The following MINDY4B variants were observed in gnomAD, a reference collection of about 807,000 sequenced individuals.
The protein encoded by MINDY4B is MINDY family member 4B.
MINDY4B carries 25 observed loss-of-function variants against 16.7 expected under a neutral mutation model. The observed-to-expected ratio is 1.49, with a 90% CI of 1.09 to 2.09. MINDY4B has a LOEUF of 2.09. Among genes scored for constraint, MINDY4B ranks in the 30% most tolerant of loss-of-function variants. The pLI, the probability that MINDY4B is intolerant of heterozygous loss-of-function variation, is 0.00. For missense variants in MINDY4B, 327 were observed against 168.4 expected (o/e 1.94, Z -5.21); for synonymous variants, 132 against 61.9 (o/e 2.13, Z -5.32).
chr3:150,884,324 T>C (rs1053875872), intron 8 of MINDY4B, among the ~76,000 whole-genome samples: 6 of 152,182 alleles, frequency 3.9e-5, no homozygotes, highest in African/African-American at 1.2e-4. Context: ...CGCATACTAG[T>C]ATGTGAACTG....
chr3:150,875,451 A>G (rs1357503998), intron 10 of MINDY4B, among the ~76,000 whole-genome samples: 1 of 152,162 alleles, frequency 6.6e-6, no homozygotes, highest in Non-Finnish European at 1.5e-5. Flanking sequence ...TTCCCTGTAA[A>G]TTAGTCTGGG....
At chr3:150,893,747 G>A (rs1307285050) in intron 4 of MINDY4B, among the ~76,000 whole-genome samples, 2 of 150,722 alleles carry the variant, frequency 1.3e-5, no homozygotes, top group Non-Finnish European at 3.0e-5. Context: ...CTGGAGTGCA[G>A]TGGCCTGCCC....
chr3:150,878,307 T>G (rs1711499753), intron 10 of MINDY4B, among the ~76,000 whole-genome samples: 1 of 152,218 alleles, frequency 6.6e-6, no homozygotes. Flanking sequence ...TATAATGAGC[T>G]GATATGAAAA....
intron 5 of MINDY4B, among the ~76,000 whole-genome samples, 171 bp downstream of exon 5, chr3:150,893,153 C>G (rs61360663): frequency 0.094 from 14,350 of 152,188 alleles, 2,230 homozygotes; most frequent in African/African-American, 0.32. Flanking sequence ...ATGACTCCAG[C>G]AGAGCCCTTC....
At chr3:150,894,101 G>A (rs914483102) in intron 4 of MINDY4B, 85 bp downstream of exon 4, 2 of 561,308 alleles carry the variant, frequency 3.6e-6, no homozygotes, top group Non-Finnish European at 6.3e-6. Context: ...ATGAAGACAT[G>A]CATTTACATG....
At chr3:150,879,417 C>T (rs1450018790) in intron 10 of MINDY4B, among the ~76,000 whole-genome samples, 1 of 152,170 alleles carries the variant, frequency 6.6e-6, no homozygotes, top group African/African-American at 2.4e-5. Flanking sequence ...CAGCCCTCCA[C>T]AGCAAACAAT....
chr3:150,893,248 T>C, intron 5 of MINDY4B, 76 bp downstream of exon 5: 2 of 693,570 alleles, frequency 2.9e-6, no homozygotes, highest in East Asian at 2.7e-5. Context: ...CAACCTGAAT[T>C]TTTCAGTTAT....
Position 150,870,897 on chromosome 3 carries a change from A to T in MINDY4B, c.*148T>A. 1 of 550,144 alleles carries T rather than the reference A, an allele frequency of 1.8e-6. No homozygotes were observed. Among genetic ancestry groups the T allele is most frequent in the East Asian group, 2.9e-5 (1 of 34,438 alleles). The allele number at this position is 550,144 out of a possible 1,614,324, so 34.1% of individuals were successfully genotyped here. The stretch of plus-strand genomic sequence containing the variant: ...CTAGGGATTTACCAGAGACTTAAAA[A>T]ATGAAAAAACTGCTAATGGTATATA... On this transcript the variant is annotated 3_prime_UTR_variant, in exon 12 of 12. Coordinates refer to ENST00000465419, the MANE Select transcript of MINDY4B (RefSeq NM_001351281.2).
At chr3:150,903,972 A>G (rs996036305) in intron 2 of MINDY4B, among the ~76,000 whole-genome samples, 5 of 152,336 alleles carry the variant, frequency 3.3e-5, no homozygotes, top group Admixed American at 3.3e-4. Context: ...ACTGTAAGTT[A>G]GCATCAGCTC....
intron 6 of MINDY4B, 146 bp downstream of exon 6, chr3:150,890,792 A>T: frequency 1.7e-6 from 1 of 589,264 alleles, no homozygotes; most frequent in Non-Finnish European, 3.1e-6. Context: ...GATCACTTAC[A>T]GCCCTTGGTA....
At chr3:150,871,664 CA>C in intron 11 of MINDY4B, among the ~76,000 whole-genome samples, 1 of 152,154 alleles carries the variant, frequency 6.6e-6, no homozygotes, top group African/African-American at 2.4e-5. Flanking sequence ...GCCTGGCCAG[CA>C]TGGTGAAACC....
chr3:150,897,463 A>G (rs1423964060), intron 3 of MINDY4B, among the ~76,000 whole-genome samples: 1 of 152,114 alleles, frequency 6.6e-6, no homozygotes, highest in African/African-American at 2.4e-5. Context: ...AGGCACTTGC[A>G]GCCAGTCAAA....
At chr3:150,885,182 G>A (rs114423494) in intron 8 of MINDY4B, among the ~76,000 whole-genome samples, 186 bp downstream of exon 8, 182 of 152,250 alleles carry the variant, frequency 1.2e-3, no homozygotes, top group African/African-American at 1.7e-3. Flanking sequence ...CTTGACTGAC[G>A]ACATCCACTT....
rs1712209139 is a variant in MINDY4B at position 150,905,099 on chromosome 3, A to T, written c.114-10T>A. 1 of 398,446 alleles carries T rather than the reference A, an allele frequency of 2.5e-6. No individual in the cohort carries two copies. The highest frequency in any genetic ancestry group is 4.4e-6 in the Non-Finnish European group (1 of 226,006). The allele number at this position is 398,446 out of a possible 1,614,324, so 24.7% of individuals were successfully genotyped here. On this transcript the variant is annotated splice_polypyrimidine_tract_variant and intron_variant, in intron 1 of 11. Transcript: ENST00000465419. ...ATTATTGGTTCCCAACCTTTAAATG[A>T]AAGAGAAAACATCAAGTAAATTACT...
intron 11 of MINDY4B, among the ~76,000 whole-genome samples, chr3:150,871,571 A>C (rs1165568801): frequency 6.6e-6 from 1 of 151,114 alleles, no homozygotes; most frequent in East Asian, 1.9e-4. Flanking sequence ...AAAAGAGGCC[A>C]GGCATGGTGG....
At chr3:150,903,539 C>T (rs1367120113) in intron 2 of MINDY4B, 123 bp from the exon 3 acceptor site, 17 of 396,018 alleles carry the variant, frequency 4.3e-5, no homozygotes, top group Non-Finnish European at 6.2e-5. Context: ...CTTTTAAAGA[C>T]GTCTGAAAAT....
At chr3:150,885,574 C>T (rs1331338216) in intron 7 of MINDY4B, 136 bp from the exon 8 acceptor site, 2 of 631,722 alleles carry the variant, frequency 3.2e-6, no homozygotes, top group Admixed American at 2.7e-5. Flanking sequence ...GCTCCTCTGC[C>T]TCCATAAGTC....
intron 10 of MINDY4B, among the ~76,000 whole-genome samples, chr3:150,875,727 G>C (rs563089095): frequency 6.6e-6 from 1 of 152,182 alleles, no homozygotes; most frequent in East Asian, 1.9e-4. Flanking sequence ...TAGTGAGCAA[G>C]CAGAACCTTG....
intron 4 of MINDY4B, 67 bp from the exon 5 acceptor site, chr3:150,893,482 G>T (rs1247541531): frequency 2.9e-6 from 2 of 700,764 alleles, no homozygotes; most frequent in African/African-American, 3.5e-5. Flanking sequence ...ATTCTTCTCT[G>T]CAGGCTTTTC....
Sources: gnomAD v4.1 joint callset for allele counts (sites outside exome capture counted in the v4.1 genomes callset) on GRCh38, gnomAD v4.1.1 for gene constraint, MANE v1.5 for transcripts, NCBI Gene and HGNC (gene_info 2026-07-23, HGNC 2026-07-21) for gene names.